The following AFF1 variants were observed in gnomAD, a reference collection of about 807,000 sequenced individuals.
AFF1 encodes the protein AF4/FMR2 family member 1.
AFF1 carries 48 observed loss-of-function variants against 121.7 expected under a neutral mutation model. That is an observed-to-expected ratio of 0.39 (90% CI 0.31 to 0.50). The LOEUF (loss-of-function observed/expected upper bound fraction) is 0.50. Among genes scored for constraint, AFF1 ranks in the 20% least tolerant of loss-of-function variants. AFF1 has a pLI of 0.76. For missense variants in AFF1, 1,523 were observed against 1,511.7 expected, an observed-to-expected ratio of 1.01 and a Z score of -0.12; for synonymous variants, 613 against 563.0, an observed-to-expected ratio of 1.09 and a Z score of -1.26.
chr4:86,978,816 C>G (rs1723507843), intron 2 of AFF1, among the ~76,000 whole-genome samples: 1 of 152,184 alleles, frequency 6.6e-6, no homozygotes, highest in South Asian at 2.1e-4. Context: ...TTTATTACAG[C>G]AGTATTTCTA....
intron 2 of AFF1, among the ~76,000 whole-genome samples, chr4:86,986,339 T>G (rs1724276218): frequency 6.6e-6 from 1 of 152,160 alleles, no homozygotes; most frequent in African/African-American, 2.4e-5. Context: ...CCCGTAGTGC[T>G]GTGTTACAGG....
intron 4 of AFF1, among the ~76,000 whole-genome samples, chr4:87,079,117 C>G (rs1031674596): frequency 6.6e-6 from 1 of 152,050 alleles, no homozygotes; most frequent in African/African-American, 2.4e-5. Flanking sequence ...TGGCTTCCCT[C>G]GTCAGCACAT....
chr4:87,094,793 C>A, intron 7 of AFF1, 122 bp from the exon 8 acceptor site: 2 of 863,350 alleles, frequency 2.3e-6, no homozygotes, highest in Non-Finnish European at 3.7e-6. Context: ...TCTTATAATG[C>A]TAAGATTGTA....
Position 87,128,444 on chromosome 4 carries a change from C to A in AFF1, c.2964+741C>A, listed in dbSNP as rs538404559. On this transcript the variant is annotated intron_variant, in intron 16 of 20. Coordinates refer to ENST00000395146, the MANE Select transcript of AFF1 (RefSeq NM_001166693.3). ...GATATCCAAGACTCTGGGGCTTTTG[C>A]TTATGTAGTGAGTTCCTAAACCTAA... Among the ~76,000 whole-genome samples, 4 of 152,274 alleles carry A rather than the reference C, an allele frequency of 2.6e-5. No individual in the cohort carries two copies. The East Asian group carries it at 7.7e-4, about 29-fold the overall frequency.
chr4:87,001,070 T>G (rs2149520362), intron 2 of AFF1, among the ~76,000 whole-genome samples: 1 of 152,220 alleles, frequency 6.6e-6, no homozygotes, highest in Admixed American at 6.5e-5. Flanking sequence ...ATCTATCTAT[T>G]AATATTGATT....
chr4:87,089,607 A>G (rs759164258), intron 5 of AFF1, among the ~76,000 whole-genome samples: 27 of 152,218 alleles, frequency 1.8e-4, no homozygotes, highest in Non-Finnish European at 3.5e-4. Flanking sequence ...GCTGAGGGAG[A>G]AAGAATGCAT....
intron 2 of AFF1, among the ~76,000 whole-genome samples, chr4:86,964,142 T>TC (rs1293838765): frequency 6.7e-6 from 1 of 149,674 alleles, no homozygotes; most frequent in Non-Finnish European, 1.5e-5. Context: ...TTTTTTTTTT[T>TC]GAGATGGAGT....
chr4:87,076,309 TAG>T (rs1239367587), intron 4 of AFF1, among the ~76,000 whole-genome samples: 1 of 152,230 alleles, frequency 6.6e-6, no homozygotes, highest in Non-Finnish European at 1.5e-5. Context: ...TAGAGAACTA[TAG>T]AGATTCTGCA....
intron 4 of AFF1, among the ~76,000 whole-genome samples, chr4:87,069,655 C>T (rs1175275161): frequency 6.6e-6 from 1 of 151,502 alleles, no homozygotes; most frequent in Non-Finnish European, 1.5e-5. Context: ...CTTCTCCTTC[C>T]CCTCCTTTCT....
Position 87,126,232 on chromosome 4 carries a change from C to T in AFF1, c.2707C>T (p.Pro903Ser), listed in dbSNP as rs776676471. The change falls in exon 14 of 21, where the codon CCT becomes TCT. Residue 903 changes from proline to serine, a missense_variant. Pro to Ser is a moderately conservative substitution (Grantham distance 74). Coordinates refer to ENST00000395146, the MANE Select transcript of AFF1 (RefSeq NM_001166693.3). ...RREADTCGQD[P>S]PKSASSTKSN... ...GGAAGCAGACACCTGTGGCCAGGAC[C>T]CTCCCAAAAGTGCCAGCAGTACCAA... 1.9e-6 allele frequency: 3 copies of T among 1,614,050 alleles called. No homozygotes were observed. In the East Asian group the frequency reaches 6.7e-5, roughly 36 times the overall value.
intron 2 of AFF1, among the ~76,000 whole-genome samples, chr4:87,029,463 A>G (rs1415861970): frequency 6.6e-6 from 1 of 152,164 alleles, no homozygotes; most frequent in Non-Finnish European, 1.5e-5. Context: ...GCATTCTCCC[A>G]CCAGACTTTT....
chr4:87,028,665 TTAAAGA>T (rs1298197955), intron 2 of AFF1, among the ~76,000 whole-genome samples: 1 of 152,208 alleles, frequency 6.6e-6, no homozygotes, highest in African/African-American at 2.4e-5. Flanking sequence ...TTGCTGAGAA[TTAAAGA>T]TAAATTTTTT....
chr4:86,976,495 T>C (rs1033547148), intron 2 of AFF1, among the ~76,000 whole-genome samples: 1 of 152,092 alleles, frequency 6.6e-6, no homozygotes, highest in Non-Finnish European at 1.5e-5. Flanking sequence ...TGGAGGTCAT[T>C]ATCCTAAGCA....
At chr4:87,041,903 T>C (rs1193362447) in intron 2 of AFF1, among the ~76,000 whole-genome samples, 2 of 151,878 alleles carry the variant, frequency 1.3e-5, no homozygotes, top group Non-Finnish European at 2.9e-5. Context: ...TAATGCTATC[T>C]ACTCGGGAGG....
chr4:87,008,038 C>T (rs147184765), intron 2 of AFF1, among the ~76,000 whole-genome samples: 3 of 150,772 alleles, frequency 2.0e-5, no homozygotes, highest in East Asian at 1.9e-4. Flanking sequence ...AACCTGAAGC[C>T]CCGTCTTTCC....
intron 2 of AFF1, among the ~76,000 whole-genome samples, chr4:86,985,691 CAAAAATTA>C (rs1560518788): frequency 6.6e-6 from 1 of 151,624 alleles, no homozygotes; most frequent in Non-Finnish European, 1.5e-5. Context: ...AATAAATAAA[CAAAAATTA>C]AAATGATACT....
intron 2 of AFF1, among the ~76,000 whole-genome samples, chr4:87,013,032 CTTTTTTTTTTTTTTTTT>C: frequency 1.1e-5 from 1 of 93,490 alleles, no homozygotes; most frequent in Admixed American, 1.2e-4. Flanking sequence ...CTATCAAGTT[CTTTTTTTTTTTTTTTTT>C]TTTTTTTTTG....
At chr4:86,993,296 T>G (rs1214628549) in intron 2 of AFF1, among the ~76,000 whole-genome samples, 1 of 152,222 alleles carries the variant, frequency 6.6e-6, no homozygotes, top group African/African-American at 2.4e-5. Flanking sequence ...GGAGACCAGA[T>G]CTTAGTATAA....
chr4:87,083,297 A>G (rs1302403897), intron 4 of AFF1, among the ~76,000 whole-genome samples: 2 of 152,210 alleles, frequency 1.3e-5, no homozygotes, highest in Non-Finnish European at 2.9e-5. Flanking sequence ...TTCCTCTAAG[A>G]CAATAATTAA....
Sources: gnomAD v4.1 joint callset for allele counts (sites outside exome capture counted in the v4.1 genomes callset) on GRCh38, gnomAD v4.1.1 for gene constraint, MANE v1.5 for transcripts, NCBI Gene and HGNC (gene_info 2026-07-23, HGNC 2026-07-21) for gene names.